The following DOCK4 variants were observed in gnomAD, a reference collection of about 807,000 sequenced individuals.
DOCK4 encodes dedicator of cytokinesis protein 4.
In DOCK4, 97 loss-of-function variants were observed where a neutral mutation model predicts 268.1. The observed-to-expected ratio is 0.36, with a 90% CI of 0.31 to 0.43. The LOEUF (loss-of-function observed/expected upper bound fraction) is 0.43. Among genes scored for constraint, DOCK4 ranks in the 20% least tolerant of loss-of-function variants. The pLI is 1.00. For missense variants in DOCK4, 2,145 were observed against 2,455.7 expected, an observed-to-expected ratio of 0.87 and a Z score of 2.67; for synonymous variants, 954 against 887.2, an observed-to-expected ratio of 1.08 and a Z score of -1.34.
intron 1 of DOCK4, among the ~76,000 whole-genome samples, chr7:112,087,246 AC>A (rs1343096011): frequency 6.6e-6 from 1 of 151,942 alleles, no homozygotes; most frequent in African/African-American, 2.4e-5. Flanking sequence ...TTTCTTGACA[AC>A]CCCTTCTGAC....
intron 24 of DOCK4, among the ~76,000 whole-genome samples, 157 bp downstream of exon 24, chr7:111,846,842 A>T (rs1444423581): frequency 6.6e-6 from 1 of 152,182 alleles, no homozygotes; most frequent in Non-Finnish European, 1.5e-5. Flanking sequence ...AGGTTAAAAA[A>T]ATTCCTTCCA....
intron 1 of DOCK4, among the ~76,000 whole-genome samples, chr7:112,018,743 G>C (rs969346653): frequency 3.4e-5 from 5 of 145,956 alleles, no homozygotes; most frequent in Non-Finnish European, 7.4e-5. Context: ...TGCTTAGCTA[G>C]GGTTAAAATC....
chr7:112,125,522 G>A (rs534950465), intron 1 of DOCK4, among the ~76,000 whole-genome samples: 34 of 152,126 alleles, frequency 2.2e-4, no homozygotes, highest in African/African-American at 5.5e-4. Flanking sequence ...TGCAGAGAAC[G>A]GCCTTTGAAG....
chr7:112,017,777 A>G (rs544108971), intron 1 of DOCK4, among the ~76,000 whole-genome samples: 1 of 152,152 alleles, frequency 6.6e-6, no homozygotes, highest in South Asian at 2.1e-4. Context: ...TATAGTAGCT[A>G]CCTCACCAAT....
In DOCK4 at chr7:111,762,762, C is replaced by CTTTTTTTTTTTTTTTTT. The variant is rs869052136; in HGVS notation, c.4020+2339_4020+2355dup. On this transcript the variant is annotated intron_variant, in intron 39 of 52. Transcript: ENST00000428084. ...TAAATAACCCATTTTGTTTTGTTTT[C>CTTTTTTTTTTTTTTTTT]TTTTTTTTTTTTTTTTTTTTTTTTG... Among the ~76,000 whole-genome samples, 48 of 63,064 alleles carry CTTTTTTTTTTTTTTTTT rather than the reference C, an allele frequency of 7.6e-4. 4 individuals are homozygous for CTTTTTTTTTTTTTTTTT. Among genetic ancestry groups the CTTTTTTTTTTTTTTTTT allele is most frequent in the South Asian group, 1.8e-3 (2 of 1,132 alleles). 41.4% of individuals were successfully genotyped at this position (63,064 alleles called of 152,430 possible).
intron 28 of DOCK4, among the ~76,000 whole-genome samples, chr7:111,811,350 CT>C (rs11340250): frequency 0.019 from 2,957 of 152,174 alleles, 82 homozygotes; most frequent in African/African-American, 0.062. Context: ...CACTGCTCAT[CT>C]TTGTTTGCTA....
At chr7:111,782,229 G>C (rs114729150) in intron 35 of DOCK4, among the ~76,000 whole-genome samples, 2,960 of 152,196 alleles carry the variant, frequency 0.019, 101 homozygotes, top group African/African-American at 0.067. Flanking sequence ...ATAAATGTTG[G>C]CTTGCCCAGG....
intron 1 of DOCK4, among the ~76,000 whole-genome samples, chr7:112,062,831 C>T (rs113638143): frequency 1.5e-3 from 230 of 152,254 alleles, no homozygotes; most frequent in African/African-American, 5.1e-3. Context: ...GCGTGTGTCA[C>T]CACGCCTGGC....
chr7:111,960,208 A>G lies in DOCK4; in HGVS notation c.702-14410T>C, dbSNP rs559414934. 3.3e-5 allele frequency among the ~76,000 whole-genome samples: 5 copies of G among 151,978 alleles called. No homozygotes were observed. The South Asian group carries it at 1.0e-3, about 32-fold the overall frequency. The stretch of plus-strand genomic sequence containing the variant: ...GTGAAACCCCGTCTCTACTAAAAAT[A>G]CAAAAAATTAGCAGGGCGTGGTGGC... On this transcript the variant is annotated intron_variant, in intron 8 of 52. Coordinates refer to ENST00000428084, the MANE Select transcript of DOCK4 (RefSeq NM_001363540.2).
chr7:111,905,694 TG>T (rs1206232980), intron 13 of DOCK4, among the ~76,000 whole-genome samples: 2 of 151,870 alleles, frequency 1.3e-5, no homozygotes, highest in African/African-American at 2.4e-5. Context: ...TGTGTGTGTG[TG>T]TGTGTGTGTG....
rs1477777836 is a variant in DOCK4 at position 111,912,666 on chromosome 7, T to C, written c.1192+3113A>G. 2.0e-5 allele frequency among the ~76,000 whole-genome samples: 3 copies of C among 151,514 alleles called. No homozygotes were observed. In the East Asian group the frequency reaches 5.8e-4, roughly 30 times the overall value. ...GGAAAGATAAGAAGAAAAAGAAAGA[T>C]TAAGATCAAGACAGAAAGGAAAAGA... is the stretch of plus-strand genomic sequence containing the variant. On this transcript the variant is annotated intron_variant, in intron 13 of 52. Transcript: ENST00000428084.
chr7:111,758,398 T>C (rs1797177623), intron 41 of DOCK4, among the ~76,000 whole-genome samples: 1 of 152,186 alleles, frequency 6.6e-6, no homozygotes. Context: ...CCAGACCAAC[T>C]GAGTCAGAAT....
chr7:112,175,004 G>A (rs1818387156), intron 1 of DOCK4, among the ~76,000 whole-genome samples: 1 of 146,432 alleles, frequency 6.8e-6, no homozygotes, highest in Non-Finnish European at 1.5e-5. Context: ...GCAGTGGCGC[G>A]ATCTTGGCTC....
At chr7:112,081,902 T>C (rs1338792478) in intron 1 of DOCK4, among the ~76,000 whole-genome samples, 1 of 152,106 alleles carries the variant, frequency 6.6e-6, no homozygotes, top group Non-Finnish European at 1.5e-5. Flanking sequence ...GATCTCCTAG[T>C]GCTCATGAGT....
intron 12 of DOCK4, among the ~76,000 whole-genome samples, chr7:111,933,291 T>TAC (rs1794408985): frequency 8.4e-6 from 1 of 118,796 alleles, no homozygotes; most frequent in African/African-American, 3.4e-5. Context: ...TATATATATA[T>TAC]ATATATATTT....
At chr7:112,148,467 T>G (rs1241640726) in intron 1 of DOCK4, among the ~76,000 whole-genome samples, 1 of 152,144 alleles carries the variant, frequency 6.6e-6, no homozygotes, top group African/African-American at 2.4e-5. Flanking sequence ...TATCTAACCC[T>G]TAAAAAGCAA....
intron 39 of DOCK4, among the ~76,000 whole-genome samples, chr7:111,760,781 T>TGTGTGTGC (rs61045792): frequency 4.7e-4 from 67 of 143,438 alleles, no homozygotes; most frequent in African/African-American, 1.7e-3. Context: ...TGTGTGTGTG[T>TGTGTGTGC]GTATTCTGCC....
chr7:111,756,147 G>A (rs1410707091), intron 41 of DOCK4, among the ~76,000 whole-genome samples: 1 of 152,132 alleles, frequency 6.6e-6, no homozygotes, highest in African/African-American at 2.4e-5. Context: ...AGGAGATCAA[G>A]ACCATCCTGG....
At chr7:111,731,231 C>A (rs953366456) in intron 52 of DOCK4, among the ~76,000 whole-genome samples, 1 of 152,318 alleles carries the variant, frequency 6.6e-6, no homozygotes, top group Admixed American at 6.5e-5. Context: ...AATCACACTT[C>A]TTTCAATTTT....
Sources: allele counts gnomAD v4.1 joint callset (sites outside exome capture counted in the v4.1 genomes callset), GRCh38; gene constraint gnomAD v4.1.1; transcripts MANE v1.5; gene names NCBI Gene and HGNC (gene_info 2026-07-23, HGNC 2026-07-21).